The following MEP1B variants were observed in gnomAD, a reference collection of about 807,000 sequenced individuals.
MEP1B encodes the protein N-benzoyl-L-tyrosyl-P-amino-benzoic acid hydrolase subunit beta.
A neutral mutation model predicts 84.6 loss-of-function variants in MEP1B; 80 were observed. The observed-to-expected ratio is 0.95, with a 90% CI of 0.79 to 1.14. The LOEUF (loss-of-function observed/expected upper bound fraction) is 1.14. Among genes scored for constraint, MEP1B ranks in the 50% most tolerant of loss-of-function variants. The pLI, the probability that MEP1B is intolerant of heterozygous loss-of-function variation, is 0.00. For synonymous variants in MEP1B, 273 were observed against 288.1 expected, an observed-to-expected ratio of 0.95 and a Z score of 0.53; for missense variants, 766 against 855.1, an observed-to-expected ratio of 0.90 and a Z score of 1.30.
rs903896141 is a variant in MEP1B, at chr18:32,203,167, T to C, written c.368+157T>C. The C allele has an allele frequency of 3.3e-5, 17 of 521,636 alleles. No individual in the cohort carries two copies. In the East Asian group the frequency reaches 4.2e-4, roughly 13 times the overall value. The allele number at this position is 521,636 out of a possible 1,614,324, so 32.3% of individuals were successfully genotyped here. Reference sequence around the variant, plus strand: ...AAAAAACAACTGGATCTAGTTTTTGTAGACATAGAAATTATATTCCCATAC... The same window carrying C: ...AAAAAACAACTGGATCTAGTTTTTGCAGACATAGAAATTATATTCCCATAC... On this transcript the variant is annotated intron_variant, in intron 6 of 14. Transcript: ENST00000269202.
Position 32,217,118 on chromosome 18 carries a change from G to GT in MEP1B, c.1886+2dup. On this transcript the variant is annotated splice_donor_variant, in intron 13 of 14. Coordinates refer to ENST00000269202, the MANE Select transcript of MEP1B (RefSeq NM_005925.3). LOFTEE classifies it high-confidence loss of function. The stretch of plus-strand genomic sequence containing the variant: ...TTCGAGATGGCAAAGCTGAGTGCAG[G>GT]TAAGGATGATTTGAAAGAGATCTCT... 6.2e-7 allele frequency: 1 copy of GT among 1,612,700 alleles called. No individual in the cohort carries two copies. Among genetic ancestry groups the GT allele is most frequent in the Non-Finnish European group, 8.5e-7 (1 of 1,179,456 alleles).
Position 32,217,002 on chromosome 18 carries a change from C to T in MEP1B, c.1771C>T (p.Leu591Phe). Residue 591 changes from leucine to phenylalanine, a missense_variant, in exon 13 of 15, where the codon CTC becomes TTC. Leu to Phe is a conservative substitution (Grantham distance 22). Coordinates refer to ENST00000269202, the MANE Select transcript of MEP1B (RefSeq NM_005925.3). ...ILLTVEDISHLNSTQIQLTPA... is the reference protein window; with the variant it reads ...ILLTVEDISHFNSTQIQLTPA... ...CCCCATCTTCCTAGACATATCTCACCTCAACTCTACACAAATCCAGCTAAC... is the reference window on the plus strand; with the variant it reads ...CCCCATCTTCCTAGACATATCTCACTTCAACTCTACACAAATCCAGCTAAC... The T allele has an allele frequency of 6.2e-7, 1 of 1,613,902 alleles. No individual in the cohort carries two copies. Among genetic ancestry groups the T allele is most frequent in the Non-Finnish European group, 8.5e-7 (1 of 1,179,840 alleles).
chr18:32,213,844 G>A (rs1207941637), intron 11 of MEP1B, among the ~76,000 whole-genome samples: 1 of 152,166 alleles, frequency 6.6e-6, no homozygotes, highest in Non-Finnish European at 1.5e-5. Context: ...TGGTTTTAGA[G>A]TCTGACATGC....
Position 32,202,987 on chromosome 18 carries a change from TATATC to T in MEP1B, c.347_351del (p.Ile116SerfsTer14), listed in dbSNP as rs781166386. 10 of 1,609,380 alleles carry T rather than the reference TATATC, an allele frequency of 6.2e-6. No individual in the cohort carries two copies. In the Admixed American group the frequency reaches 1.7e-4, roughly 27 times the overall value. ...AGCCTTGGGCTGGAGAAACAAACTATATATCAGTGTTCAAGGGCAGTGGGTAAGTT... is the reference window on the plus strand; with the variant it reads ...AGCCTTGGGCTGGAGAAACAAACTATAGTGTTCAAGGGCAGTGGGTAAGTT... On this transcript the variant is annotated frameshift_variant, in exon 6 of 15. Coordinates refer to ENST00000269202, the MANE Select transcript of MEP1B (RefSeq NM_005925.3). LOFTEE classifies it high-confidence loss of function.
intron 5 of MEP1B, among the ~76,000 whole-genome samples, chr18:32,201,451 T>A (rs1183575553): frequency 6.6e-6 from 1 of 152,150 alleles, no homozygotes; most frequent in Non-Finnish European, 1.5e-5. Flanking sequence ...GTGGTGGCAA[T>A]TTATTTTGAT....
chr18:32,201,472 C>A (rs2040912040), intron 5 of MEP1B, among the ~76,000 whole-genome samples: 1 of 151,934 alleles, frequency 6.6e-6, no homozygotes, highest in Admixed American at 6.6e-5. Context: ...TGCCTGTGAT[C>A]CAATGTCCAA....
intron 12 of MEP1B, among the ~76,000 whole-genome samples, chr18:32,216,235 C>G (rs2041088604): frequency 6.6e-6 from 1 of 152,014 alleles, no homozygotes; most frequent in Non-Finnish European, 1.5e-5. Flanking sequence ...AATTTTGACT[C>G]CAGTGTCCAT....
chr18:32,207,990 T>A (rs1234384253), intron 8 of MEP1B, 129 bp from the exon 9 acceptor site: 3 of 862,684 alleles, frequency 3.5e-6, no homozygotes, highest in Non-Finnish European at 5.5e-6. Context: ...TAAGCCACCA[T>A]CATCCAGAAT....
At chr18:32,194,395 A>C (rs1321832693) in intron 4 of MEP1B, among the ~76,000 whole-genome samples, 1 of 152,124 alleles carries the variant, frequency 6.6e-6, no homozygotes, top group African/African-American at 2.4e-5. Context: ...TCCTGGCTTG[A>C]AACTCTTCCA....
intron 11 of MEP1B, among the ~76,000 whole-genome samples, chr18:32,214,296 T>C (rs1464115415): frequency 6.6e-6 from 1 of 152,156 alleles, no homozygotes; most frequent in African/African-American, 2.4e-5. Context: ...ATCACACTAC[T>C]AATTTTAATA....
At chr18:32,216,961 T>A in intron 12 of MEP1B, 30 bp from the exon 13 acceptor site, 1 of 1,602,822 alleles carries the variant, frequency 6.2e-7, no homozygotes. Flanking sequence ...AAAAGCTGAT[T>A]TCCATCCACA....
chr18:32,195,619 T>C (rs1365755616), intron 5 of MEP1B, 134 bp downstream of exon 5: 2 of 545,940 alleles, frequency 3.7e-6, no homozygotes, highest in Non-Finnish European at 6.3e-6. Flanking sequence ...TATGTACATT[T>C]ACTTTGAAAA....
intron 4 of MEP1B, among the ~76,000 whole-genome samples, chr18:32,195,179 T>C (rs1029463643): frequency 6.6e-6 from 1 of 152,186 alleles, no homozygotes; most frequent in African/African-American, 2.4e-5. Context: ...TTTTGCATTA[T>C]TCCTTCTTCA....
intron 12 of MEP1B, 122 bp from the exon 13 acceptor site, chr18:32,216,861 TCACCTCTA>T: frequency 1.4e-5 from 15 of 1,102,776 alleles, no homozygotes; most frequent in Non-Finnish European, 1.9e-5. Context: ...TTGCAAGATC[TCACCTCTA>T]AAAAAAAAAA....
chr18:32,195,651 A>G (rs1245172709), intron 5 of MEP1B, among the ~76,000 whole-genome samples, 166 bp downstream of exon 5: 1 of 152,186 alleles, frequency 6.6e-6, no homozygotes, highest in East Asian at 1.9e-4. Context: ...AAAACGAACA[A>G]TGAAAGTAAC....
At position 32,190,191 on chromosome 18, in the gene MEP1B, G is replaced by A. The variant is rs1478870535; in HGVS notation, c.63+58G>A. 5.8e-6 allele frequency: 7 copies of A among 1,204,940 alleles called. No homozygotes were observed. In the East Asian group the frequency reaches 7.1e-5, roughly 12 times the overall value. The allele number at this position is 1,204,940 out of a possible 1,614,324, so 74.6% of individuals were successfully genotyped here. A position where few individuals can be genotyped will look rare whatever the true frequency, so the allele number is the denominator to read the frequency against. On this transcript the variant is annotated intron_variant, in intron 1 of 14. Coordinates refer to ENST00000269202, the MANE Select transcript of MEP1B (RefSeq NM_005925.3). Reference sequence around the variant, plus strand: ...AATTTTGGGGCAGTTGATATTGATTGTTAAAGAACAAGTGTTTTTTTTTTG... The same window carrying A: ...AATTTTGGGGCAGTTGATATTGATTATTAAAGAACAAGTGTTTTTTTTTTG...
chr18:32,204,127 T>G, intron 6 of MEP1B, 55 bp from the exon 7 acceptor site: 22 of 1,512,984 alleles, frequency 1.5e-5, no homozygotes, highest in Admixed American at 1.9e-5. Context: ...GATTCTGCCC[T>G]GAGACCTCAG....
chr18:32,199,726 C>T (rs903268982), intron 5 of MEP1B, among the ~76,000 whole-genome samples: 9 of 124,026 alleles, frequency 7.3e-5, no homozygotes, highest in Admixed American at 6.4e-4. Flanking sequence ...TTTTTTGAGA[C>T]GAGTTCTCAC....
intron 11 of MEP1B, 82 bp from the exon 12 acceptor site, chr18:32,215,000 G>A: frequency 3.0e-6 from 3 of 986,534 alleles, no homozygotes; most frequent in South Asian, 1.5e-5. Flanking sequence ...GCCTAATTGT[G>A]TTTCACATTG....
Sources: allele counts gnomAD v4.1 joint callset (sites outside exome capture counted in the v4.1 genomes callset), GRCh38; gene constraint gnomAD v4.1.1; transcripts MANE v1.5; gene names NCBI Gene and HGNC (gene_info 2026-07-23, HGNC 2026-07-21).